The following BIRC2 variants were observed in gnomAD, a reference collection of about 807,000 sequenced individuals.
The protein encoded by BIRC2 is baculoviral IAP repeat-containing protein 2.
In BIRC2, 18 loss-of-function variants were observed where a neutral mutation model predicts 60.9. That is an observed-to-expected ratio of 0.30 (90% CI 0.20 to 0.44). BIRC2 has a LOEUF of 0.44. Among genes scored for constraint, BIRC2 ranks in the 20% least tolerant of loss-of-function variants. The probability of loss-of-function intolerance (pLI) is 1.00; values close to 1 mark genes in which losing one functional copy is unlikely to be tolerated. For missense variants in BIRC2, 701 were observed against 728.5 expected (o/e 0.96, Z 0.43); for synonymous variants, 282 against 247.7 (o/e 1.14, Z -1.30).
intron 1 of BIRC2, among the ~76,000 whole-genome samples, chr11:102,348,050 T>G (rs1951312043): frequency 6.6e-6 from 1 of 152,248 alleles, no homozygotes; most frequent in South Asian, 2.1e-4. Flanking sequence ...TGTTAGGTTT[T>G]GTTTTCGAGT....
At chr11:102,374,137 T>G (rs1321129292) in intron 6 of BIRC2, among the ~76,000 whole-genome samples, 1 of 150,126 alleles carries the variant, frequency 6.7e-6, no homozygotes, top group Non-Finnish European at 1.5e-5. Context: ...CTCAGAGTAA[T>G]TTGATCGTCT....
intron 6 of BIRC2, among the ~76,000 whole-genome samples, chr11:102,372,148 T>A (rs1178678629): frequency 2.0e-5 from 3 of 152,184 alleles, no homozygotes; most frequent in African/African-American, 7.2e-5. Context: ...TTTGAAGGGT[T>A]TTTTTGTGTC....
chr11:102,357,505 C>T (rs1951436480), intron 3 of BIRC2, among the ~76,000 whole-genome samples: 1 of 152,058 alleles, frequency 6.6e-6, no homozygotes, highest in African/African-American at 2.4e-5. Flanking sequence ...TCTATTTCTT[C>T]TTTATTTTAG....
intron 5 of BIRC2, among the ~76,000 whole-genome samples, chr11:102,364,088 A>T (rs2135814425): frequency 6.9e-6 from 1 of 145,812 alleles, no homozygotes; most frequent in East Asian, 2.1e-4. Flanking sequence ...TATTTTTTAA[A>T]AGAGTTTCTG....
intron 1 of BIRC2, 73 bp downstream of exon 1, chr11:102,347,449 C>G (rs1951305172): frequency 2.0e-5 from 1 of 48,932 alleles, no homozygotes. Context: ...GGGCCCACTT[C>G]CCTGATGTGG....
chr11:102,347,633 C>A (rs1322415742), intron 1 of BIRC2: 5 of 152,304 alleles, frequency 3.3e-5, no homozygotes, highest in Non-Finnish European at 7.3e-5. Flanking sequence ...TGGCCGCCGC[C>A]CACTCTTCTG....
chr11:102,374,935 T>C (rs1025111653), intron 6 of BIRC2, among the ~76,000 whole-genome samples: 1 of 152,210 alleles, frequency 6.6e-6, no homozygotes, highest in Admixed American at 6.5e-5. Flanking sequence ...ATTTTCCAGG[T>C]GCGTCCGTTA....
intron 5 of BIRC2, among the ~76,000 whole-genome samples, chr11:102,364,174 T>TATATATATATACACACACACACACAC (rs1389968594): frequency 2.6e-5 from 2 of 78,118 alleles, no homozygotes; most frequent in African/African-American, 1.3e-4. Context: ...TATATATATA[T>TATATATATATACACACACACACACAC]ACACACACAC....
chr11:102,374,687 G>T (rs1951684267), intron 6 of BIRC2, among the ~76,000 whole-genome samples: 1 of 152,272 alleles, frequency 6.6e-6, no homozygotes, highest in South Asian at 2.1e-4. Flanking sequence ...GAGCTGTGGT[G>T]GGCTCCACCC....
rs1251248637 is a variant in BIRC2 at position 102,351,594 on chromosome 11, A to C, written c.995+651A>C. On this transcript the variant is annotated intron_variant, in intron 3 of 8. Coordinates refer to ENST00000227758, the MANE Select transcript of BIRC2 (RefSeq NM_001166.5). Reference sequence around the variant, plus strand: ...TGTGCCACTGAACTCCAGCCTGGGTAACAGAGCAAGACTCTGTCTCAAAAA... The same window carrying C: ...TGTGCCACTGAACTCCAGCCTGGGTCACAGAGCAAGACTCTGTCTCAAAAA... Among the ~76,000 whole-genome samples, 3 of 147,050 alleles carry C rather than the reference A, an allele frequency of 2.0e-5. No individual in the cohort carries two copies. In the East Asian group the frequency reaches 6.1e-4, roughly 30 times the overall value.
At chr11:102,365,451 A>C (rs921734318) in intron 5 of BIRC2, among the ~76,000 whole-genome samples, 1 of 152,178 alleles carries the variant, frequency 6.6e-6, no homozygotes, top group Non-Finnish European at 1.5e-5. Context: ...TTACTTCCTC[A>C]CCTTTCATTC....
At chr11:102,363,013 T>G (rs755579362) in intron 4 of BIRC2, 39 bp downstream of exon 4, 1 of 1,428,488 alleles carries the variant, frequency 7.0e-7, no homozygotes, top group African/African-American at 1.4e-5. Flanking sequence ...TGAATTCTGC[T>G]TTATAATAAC....
intron 3 of BIRC2, among the ~76,000 whole-genome samples, chr11:102,355,405 T>A (rs951838006): frequency 9.9e-5 from 15 of 152,234 alleles, no homozygotes; most frequent in Non-Finnish European, 1.8e-4. Flanking sequence ...TTTGTGCCCT[T>A]GTCAAAGATT....
intron 4 of BIRC2, 72 bp from the exon 5 acceptor site, chr11:102,363,596 A>G: frequency 1.7e-6 from 2 of 1,176,744 alleles, no homozygotes; most frequent in Non-Finnish European, 1.3e-6. Context: ...AAGTAAGCTT[A>G]TTTTAGTGTT....
chr11:102,348,221 G>C (rs1011430472), intron 1 of BIRC2: 1 of 152,286 alleles, frequency 6.6e-6, no homozygotes, highest in African/African-American at 2.4e-5. Context: ...TACTGCTGCT[G>C]ACAGGGTGTA....
At chr11:102,375,129 G>A (rs914114274) in intron 6 of BIRC2, among the ~76,000 whole-genome samples, 10 of 152,220 alleles carry the variant, frequency 6.6e-5, no homozygotes, top group Admixed American at 5.9e-4. Context: ...CCCGTCTTGT[G>A]CGTCGCTCAC....
chr11:102,375,055 C>T (rs76527239), intron 6 of BIRC2, among the ~76,000 whole-genome samples: 1 of 152,240 alleles, frequency 6.6e-6, no homozygotes, highest in Non-Finnish European at 1.5e-5. Flanking sequence ...CACTGGCCTG[C>T]GCCCACTGTC....
chr11:102,361,424 A>G (rs1951484573), intron 3 of BIRC2, among the ~76,000 whole-genome samples: 4 of 152,038 alleles, frequency 2.6e-5, no homozygotes, highest in Admixed American at 2.0e-4. Flanking sequence ...GGTCTGGGGC[A>G]TATGTGGGGG....
chr11:102,377,951 A>C (rs371984597), intron 8 of BIRC2, 39 bp from the exon 9 acceptor site: 9 of 1,597,804 alleles, frequency 5.6e-6, no homozygotes, highest in Non-Finnish European at 7.7e-6. Context: ...TTTTTAATGA[A>C]GTGGAAACAA....
Sources: gnomAD v4.1 joint callset for allele counts (sites outside exome capture counted in the v4.1 genomes callset) on GRCh38, gnomAD v4.1.1 for gene constraint, MANE v1.5 for transcripts, NCBI Gene and HGNC (gene_info 2026-07-23, HGNC 2026-07-21) for gene names.